ZNF66: variants seen among roughly 807,000 people sequenced by gnomAD.
The protein encoded by ZNF66 is zinc finger protein 66, also known as putative zinc finger protein 66.
A neutral mutation model predicts 35.2 loss-of-function variants in ZNF66; 32 were observed. The ratio of observed to expected loss-of-function variants is 0.91; its 90% CI spans 0.69 to 1.22. The LOEUF is 1.22. Ranked by LOEUF, ZNF66 falls within the 50% of genes most tolerant of loss-of-function variation. The pLI, the probability that ZNF66 is intolerant of heterozygous loss-of-function variation, is 0.00. For missense variants in ZNF66, 666 were observed against 543.1 expected (o/e 1.23, Z -2.25); for synonymous variants, 231 against 181.3 (o/e 1.27, Z -2.20).
intron 1 of ZNF66, among the ~76,000 whole-genome samples, chr19:20,781,980 A>G (rs1443374370): frequency 6.6e-6 from 1 of 152,144 alleles, no homozygotes; most frequent in South Asian, 2.1e-4. Context: ...CTTATTGCCC[A>G]GGCCAGAGTG....
Position 20,807,390 on chromosome 19 carries a change from T to C in ZNF66, c.*68T>C. 1 of 567,794 alleles carries C rather than the reference T, an allele frequency of 1.8e-6. No individual in the cohort carries two copies. The allele number at this position is 567,794 out of a possible 1,614,324, so 35.2% of individuals were successfully genotyped here. On this transcript the variant is annotated 3_prime_UTR_variant, in exon 4 of 4. Transcript: ENST00000344519. Reference sequence around the variant, plus strand: ...AGAGAAACCCTATGAGTTTGATGAATGTGGGAAAGACTTTAACCAGCTATC... The same window carrying C: ...AGAGAAACCCTATGAGTTTGATGAACGTGGGAAAGACTTTAACCAGCTATC...
At chr19:20,800,200 A>G (rs1971435233) in intron 3 of ZNF66, among the ~76,000 whole-genome samples, 1 of 152,134 alleles carries the variant, frequency 6.6e-6, no homozygotes, top group Admixed American at 6.6e-5. Context: ...GCTAGTTTAT[A>G]GTGTTAGGAT....
chr19:20,803,926 A>C (rs1453397515), intron 3 of ZNF66, among the ~76,000 whole-genome samples: 12 of 152,082 alleles, frequency 7.9e-5, no homozygotes. Flanking sequence ...TCTCACTTGC[A>C]AAAATTTTTT....
At chr19:20,805,452 A>G (rs950766021) in intron 3 of ZNF66, among the ~76,000 whole-genome samples, 2 of 152,120 alleles carry the variant, frequency 1.3e-5, no homozygotes, top group African/African-American at 4.8e-5. Context: ...TCAGCCTCCC[A>G]AAGTGCTGAG....
chr19:20,805,978 CAA>C lies in ZNF66; in HGVS notation c.381_382del (p.Gly129LeufsTer2). 1.3e-6 allele frequency: 1 copy of C among 767,208 alleles called. No homozygotes were observed. Among genetic ancestry groups the C allele is most frequent in the Middle Eastern group, 2.3e-4 (1 of 4,256 alleles). 47.5% of individuals were successfully genotyped at this position (767,208 alleles called of 1,614,324 possible). A position where few individuals can be genotyped will look rare whatever the true frequency, so the allele number is the denominator to read the frequency against. ...CESVDKCKVH[K>X]RGYNGLNQCL... is the part of the protein sequence containing the mutation. ...AAAGTGTGGATAAGTGTAAAGTGCA[CAA>C]AAGAGGTTATAATGGACTTAACCAA... On this transcript the variant is annotated frameshift_variant, in exon 4 of 4. Transcript: ENST00000344519. LOFTEE classifies it high-confidence loss of function.
chr19:20,782,171 C>A (rs746177919), intron 1 of ZNF66, among the ~76,000 whole-genome samples: 4 of 152,160 alleles, frequency 2.6e-5, no homozygotes, highest in African/African-American at 7.2e-5. Flanking sequence ...TCTCAAACTT[C>A]TAAGTTCAGG....
At chr19:20,790,814 C>A (rs1011627245) in intron 1 of ZNF66, among the ~76,000 whole-genome samples, 2 of 152,020 alleles carry the variant, frequency 1.3e-5, no homozygotes, top group African/African-American at 4.8e-5. Context: ...ACTCTGCCTC[C>A]TGGAATGCCA....
chr19:20,807,873 G>A lies in ZNF66; in HGVS notation c.*551G>A, dbSNP rs112185104. ...CCAGACAGTGGCTGCAGGACAGTGG[G>A]TGCAGTGCACTGTGCATGAGCTGAA... is the stretch of plus-strand genomic sequence containing the variant. On this transcript the variant is annotated 3_prime_UTR_variant, in exon 4 of 4. Coordinates refer to ENST00000344519, the MANE Select transcript of ZNF66 (RefSeq NM_001355197.2). Among the ~76,000 whole-genome samples the A allele has an allele frequency of 0.08, 12,162 of 152,240 alleles. 527 individuals are homozygous for A. Among genetic ancestry groups the A allele is most frequent in the Middle Eastern group, 0.11 (33 of 294 alleles).
At chr19:20,793,667 G>A (rs1249681364) in intron 2 of ZNF66, 116 bp from the exon 3 acceptor site, 11 of 453,360 alleles carry the variant, frequency 2.4e-5, no homozygotes, top group African/African-American at 2.0e-4. Context: ...TTACAAATTT[G>A]TATTTTGTTA....
At chr19:20,794,445 T>C (rs1423964831) in intron 3 of ZNF66, 1 of 152,004 alleles carries the variant, frequency 6.6e-6, no homozygotes, top group Non-Finnish European at 1.5e-5. Context: ...TTTAGTTTCA[T>C]GTAAATTTTA....
At position 20,809,321 on chromosome 19, in the gene ZNF66, TAC is replaced by T. The variant is rs1301139862; in HGVS notation, c.*2001_*2002del. 2.6e-5 allele frequency among the ~76,000 whole-genome samples: 4 copies of T among 151,732 alleles called. No individual in the cohort carries two copies. The highest frequency in any genetic ancestry group is 5.9e-5 in the Non-Finnish European group (4 of 67,940). ...CAGGCCAACATTCAGATTCAGGAAA[TAC>T]AGAGAACGCCACAAAGATACTCCTT... On this transcript the variant is annotated 3_prime_UTR_variant, in exon 4 of 4. Transcript: ENST00000344519.
chr19:20,807,173 A>G lies in ZNF66; in HGVS notation c.1573A>G (p.Thr525Ala). ...AGACTTTAAGTACTCCTCTACCCTTACTAGACATAAGAAAATTCATACTGG... is the reference window on the plus strand; with the variant it reads ...AGACTTTAAGTACTCCTCTACCCTTGCTAGACATAAGAAAATTCATACTGG... ...GKDFKYSSTL[T>A]RHKKIHTGGK... is the part of the protein sequence containing the mutation. Residue 525 changes from threonine (T) to alanine (A), a missense_variant, in exon 4 of 4, where the codon ACT becomes GCT. Physicochemically the swap from Thr to Ala is moderately conservative, Grantham distance 58. Transcript: ENST00000344519. 1.7e-6 allele frequency: 1 copy of G among 602,966 alleles called. No individual in the cohort carries two copies. The highest frequency in any genetic ancestry group is 3.1e-6 in the Non-Finnish European group (1 of 326,744). 37.4% of individuals were successfully genotyped at this position (602,966 alleles called of 1,614,324 possible).
At chr19:20,782,909 T>G (rs1971257229) in intron 1 of ZNF66, among the ~76,000 whole-genome samples, 1 of 152,208 alleles carries the variant, frequency 6.6e-6, no homozygotes, top group Non-Finnish European at 1.5e-5. Context: ...GGTAGCTTCA[T>G]CATGAAGTCT....
At chr19:20,777,143 G>A (rs73007839) in intron 1 of ZNF66, among the ~76,000 whole-genome samples, 2,707 of 150,506 alleles carry the variant, frequency 0.018, 34 homozygotes, top group Non-Finnish European at 0.03. Flanking sequence ...AAAAAATTAT[G>A]GGAGTCACTG....
rs530885512 is a variant in ZNF66 at position 20,809,395 on chromosome 19, G to C, written c.*2073G>C. Among the ~76,000 whole-genome samples the C allele has an allele frequency of 1.3e-5, 2 of 152,020 alleles. No homozygotes were observed. The highest frequency in any genetic ancestry group is 4.8e-5 in the African/African-American group (2 of 41,392). On this transcript the variant is annotated 3_prime_UTR_variant, in exon 4 of 4. Transcript: ENST00000344519. ...CATAATTGTCAGATTCACCAAAGTT[G>C]AAATGAAGGAAAAAATGTTAAGGGC...
chr19:20,786,496 C>G (rs66478629), intron 1 of ZNF66, among the ~76,000 whole-genome samples: 1 of 152,094 alleles, frequency 6.6e-6, no homozygotes, highest in Admixed American at 6.5e-5. Flanking sequence ...TGCCCACAAA[C>G]GTACAGGTAA....
At chr19:20,788,546 A>G (rs1971307736) in intron 1 of ZNF66, among the ~76,000 whole-genome samples, 1 of 151,990 alleles carries the variant, frequency 6.6e-6, no homozygotes, top group African/African-American at 2.4e-5. Context: ...CTGGCATTAC[A>G]GTTGCTGGCC....
chr19:20,805,762 G>T, intron 3 of ZNF66, 65 bp from the exon 4 acceptor site: 1 of 470,966 alleles, frequency 2.1e-6, no homozygotes, highest in Non-Finnish European at 3.8e-6. Context: ...TTATAGGTTA[G>T]ATTTGTAAAG....
chr19:20,787,538 T>A (rs1000911640), intron 1 of ZNF66, among the ~76,000 whole-genome samples: 7 of 152,334 alleles, frequency 4.6e-5, no homozygotes, highest in Non-Finnish European at 8.8e-5. Flanking sequence ...ACAAAAGGCA[T>A]TTTCTGCGTT....
Sources: allele counts gnomAD v4.1 joint callset (sites outside exome capture counted in the v4.1 genomes callset), GRCh38; gene constraint gnomAD v4.1.1; transcripts MANE v1.5; gene names NCBI Gene and HGNC (gene_info 2026-07-23, HGNC 2026-07-21).